The following NOL10 variants were observed in gnomAD, a reference collection of about 807,000 sequenced individuals.
NOL10 encodes the protein nucleolar protein 10.
A neutral mutation model predicts 103.5 loss-of-function variants in NOL10; 58 were observed. The observed-to-expected ratio is 0.56, with a 90% confidence interval of 0.45 to 0.70. NOL10 has a LOEUF of 0.70. Ranked by LOEUF, NOL10 falls within the 30% of genes least tolerant of loss-of-function variation. The pLI is 0.00. For synonymous variants in NOL10, 287 were observed against 282.5 expected (o/e 1.02, Z -0.16); for missense variants, 763 against 807.3 (o/e 0.95, Z 0.67).
chr2:10,577,876 T>TA (rs1674539753), intron 19 of NOL10, 138 bp from the exon 20 acceptor site: 1 of 619,980 alleles, frequency 1.6e-6, no homozygotes, highest in Non-Finnish European at 2.9e-6. Flanking sequence ...TTTAACACAA[T>TA]AAATGGAAAG....
chr2:10,607,573 A>G (rs1038591743), intron 13 of NOL10, among the ~76,000 whole-genome samples: 19 of 152,144 alleles, frequency 1.2e-4, no homozygotes, highest in African/African-American at 4.6e-4. Flanking sequence ...TTATATTAGC[A>G]CTATCAAAGT....
At chr2:10,633,874 T>C (rs564767828) in intron 13 of NOL10, among the ~76,000 whole-genome samples, 1 of 152,204 alleles carries the variant, frequency 6.6e-6, no homozygotes, top group African/African-American at 2.4e-5. Flanking sequence ...TCACCCAGGC[T>C]GGAGTGCAGT....
At chr2:10,673,095 C>T (rs1681058427) in intron 5 of NOL10, among the ~76,000 whole-genome samples, 1 of 151,904 alleles carries the variant, frequency 6.6e-6, no homozygotes, top group South Asian at 2.1e-4. Context: ...CAACCATTTG[C>T]AAAGTTAAAA....
chr2:10,595,591 TTG>T (rs1558277521), intron 17 of NOL10, among the ~76,000 whole-genome samples: 1 of 76,858 alleles, frequency 1.3e-5, no homozygotes, highest in Admixed American at 1.0e-4. Context: ...TTTTTTTGTT[TTG>T]TTTTGTTTTT....
At chr2:10,576,952 T>G (rs1022720311) in intron 20 of NOL10, among the ~76,000 whole-genome samples, 1 of 152,144 alleles carries the variant, frequency 6.6e-6, no homozygotes, top group Admixed American at 6.5e-5. Context: ...TCTGTTCTAT[T>G]TGGTGACTAT....
At position 10,659,216 on chromosome 2, in the gene NOL10, A is replaced by G; in HGVS notation, c.712T>C (p.Phe238Leu). ...ACTGCCATGGTCAAGGCACCATTAA[A>G]TTTCAAAGCAGAGATTGTTGGTAAA... ...NSLPTISALKFNGALTMAVGT... is the reference protein window; with the variant it reads ...NSLPTISALKLNGALTMAVGT... Residue 238 changes from phenylalanine (F) to leucine (L), a missense_variant, in exon 10 of 21, where the codon TTT (phenylalanine) becomes CTT (leucine). Phe to Leu is a conservative substitution (Grantham distance 22, BLOSUM62 0). Transcript: ENST00000381685. 2.5e-6 allele frequency: 4 copies of G among 1,604,938 alleles called. No homozygotes were observed. Among genetic ancestry groups the G allele is most frequent in the Non-Finnish European group, 3.4e-6 (4 of 1,175,468 alleles).
Position 10,577,459 on chromosome 2 carries a change from ACT to A in NOL10, c.1947+175_1947+176del, listed in dbSNP as rs143981762. On this transcript the variant is annotated intron_variant, in intron 20 of 20. Coordinates refer to ENST00000381685, the MANE Select transcript of NOL10 (RefSeq NM_024894.4). ...ATTCCTGGCTCTGCTGCAGTCACAC[ACT>A]GTGCTCTTGGCCCACCAGGGGCTCT... is the stretch of plus-strand genomic sequence containing the variant. Among the ~76,000 whole-genome samples the A allele has an allele frequency of 1.1e-3, 170 of 152,326 alleles. 5 individuals are homozygous for A. In the East Asian group the frequency reaches 0.031, roughly 28 times the overall value.
At chr2:10,588,303 G>A (rs757579757) in intron 19 of NOL10, among the ~76,000 whole-genome samples, 5 of 152,132 alleles carry the variant, frequency 3.3e-5, no homozygotes, top group African/African-American at 4.8e-5. Context: ...CATTCACACT[G>A]TTGTACAACC....
intron 19 of NOL10, among the ~76,000 whole-genome samples, chr2:10,578,242 G>GT (rs1674557454): frequency 1.3e-5 from 2 of 152,142 alleles, no homozygotes; most frequent in South Asian, 4.1e-4. Flanking sequence ...GATAATTCTC[G>GT]TTTTTCCTTC....
chr2:10,667,327 T>C (rs1278424297), intron 7 of NOL10, 49 bp from the exon 8 acceptor site: 1 of 1,277,298 alleles, frequency 7.8e-7, no homozygotes, highest in African/African-American at 1.5e-5. Context: ...GCACCTACTT[T>C]AGTGGGGAAG....
intron 1 of NOL10, among the ~76,000 whole-genome samples, chr2:10,688,949 G>C (rs553714610): frequency 6.6e-6 from 1 of 152,206 alleles, no homozygotes; most frequent in African/African-American, 2.4e-5. Flanking sequence ...TATTTATTCT[G>C]TTTTCCAAGG....
At chr2:10,654,822 T>C (rs1679718545) in intron 11 of NOL10, among the ~76,000 whole-genome samples, 1 of 152,008 alleles carries the variant, frequency 6.6e-6, no homozygotes. Context: ...AATGTCAACA[T>C]GGCAAGAAAA....
intron 13 of NOL10, among the ~76,000 whole-genome samples, chr2:10,632,858 G>A (rs1364798210): frequency 6.6e-6 from 1 of 152,118 alleles, no homozygotes; most frequent in Non-Finnish European, 1.5e-5. Context: ...AATAGCAACA[G>A]TGTCTTGGTT....
chr2:10,630,645 G>A (rs904179215), intron 13 of NOL10, among the ~76,000 whole-genome samples: 13 of 152,112 alleles, frequency 8.5e-5, no homozygotes, highest in Non-Finnish European at 1.8e-4. Context: ...AACCTGGGAG[G>A]TGAAGCTTGC....
At chr2:10,671,425 TTA>T in intron 6 of NOL10, 127 bp downstream of exon 6, 3 of 723,126 alleles carry the variant, frequency 4.1e-6, no homozygotes, top group South Asian at 4.1e-5. Flanking sequence ...TTTTTTTTTT[TTA>T]CAAGAGCCAC....
chr2:10,599,948 C>T (rs895343501), intron 17 of NOL10, among the ~76,000 whole-genome samples: 3 of 151,928 alleles, frequency 2.0e-5, no homozygotes, highest in Non-Finnish European at 4.4e-5. Flanking sequence ...ACAAAAGGAG[C>T]TCACCCATCT....
intron 4 of NOL10, among the ~76,000 whole-genome samples, chr2:10,675,152 A>G (rs1176805867): frequency 6.6e-6 from 1 of 152,062 alleles, no homozygotes; most frequent in Admixed American, 6.6e-5. Flanking sequence ...ACAGTAAACT[A>G]TGATCATGCC....
At chr2:10,632,163 A>C (rs1285111410) in intron 13 of NOL10, among the ~76,000 whole-genome samples, 3 of 152,160 alleles carry the variant, frequency 2.0e-5, no homozygotes, top group African/African-American at 7.2e-5. Context: ...TTCCACACCC[A>C]TTAAGTGAGG....
chr2:10,572,974 G>A (rs7571206), intron 20 of NOL10, among the ~76,000 whole-genome samples: 37,588 of 151,866 alleles, frequency 0.25, 6,480 homozygotes, highest in African/African-American at 0.45. Flanking sequence ...AAGAGCATCA[G>A]TGCAGAATCC....
Sources: allele counts gnomAD v4.1 joint callset (sites outside exome capture counted in the v4.1 genomes callset), GRCh38; gene constraint gnomAD v4.1.1; transcripts MANE v1.5; gene names NCBI Gene and HGNC (gene_info 2026-07-23, HGNC 2026-07-21).